Variants in RBM41 observed in about 807,000 individuals in gnomAD.
RBM41 encodes the protein RNA binding motif protein 41, also known as RNA-binding protein 41.
In RBM41, 14 loss-of-function variants were observed where a neutral mutation model predicts 30.8. The observed-to-expected ratio is 0.45, with a 90% CI of 0.30 to 0.71. The LOEUF is 0.71. Ranked by LOEUF, RBM41 falls within the 30% of genes least tolerant of loss-of-function variation. RBM41 has a pLI of 0.08. For missense variants in RBM41, 276 were observed against 326.3 expected, an observed-to-expected ratio of 0.85 and a Z score of 1.19; for synonymous variants, 120 against 110.1, an observed-to-expected ratio of 1.09 and a Z score of -0.56.
At chrX:107,090,668 A>G (rs1183419100) in intron 5 of RBM41, among the ~76,000 whole-genome samples, 1 of 111,494 alleles carries the variant, frequency 9.0e-6, no homozygotes, top group African/African-American at 3.3e-5. Context: ...TTTAGAAACC[A>G]AAGTGTGTTG....
At chrX:107,097,624 C>G (rs1923094743) in intron 5 of RBM41, among the ~76,000 whole-genome samples, 1 of 111,962 alleles carries the variant, frequency 8.9e-6, no homozygotes, top group South Asian at 3.7e-4. Flanking sequence ...CCACGCAGAA[C>G]TGTGAGTCAA....
In RBM41 at chrX:107,067,628, C is replaced by T. The variant is rs961608045; in HGVS notation, c.1213G>A (p.Val405Met). The part of the protein sequence containing the change: ...NGYKLHGKIL[V>M]IEFGKNKKQR... ...TTTTTGTTCTTTCCAAACTCTATCA[C>T]CAATATTTTCCCATGTAGTTTGTAT... The change falls in exon 8 of 8, where the codon GTG becomes ATG. Residue 405 changes from valine to methionine, a missense_variant. Transcript: ENST00000685964. The T allele has an allele frequency of 2.5e-6, 3 of 1,210,379 alleles. No individual in the cohort carries two copies. The highest frequency in any genetic ancestry group is 3.0e-5 in the East Asian group (1 of 33,811).
chrX:107,100,082 T>A (rs901654481), intron 5 of RBM41, among the ~76,000 whole-genome samples: 5 of 111,918 alleles, frequency 4.5e-5, no homozygotes, highest in African/African-American at 1.6e-4. Context: ...AGGGTGTGGG[T>A]GTATTCTTTC....
chrX:107,067,830 T>C, intron 7 of RBM41, 137 bp from the exon 8 acceptor site: 1 of 716,688 alleles, frequency 1.4e-6, no homozygotes, highest in South Asian at 6.6e-5. Flanking sequence ...GATCATTTTT[T>C]CTATAATCTC....
At chrX:107,090,793 AT>A (rs1234961396) in intron 5 of RBM41, among the ~76,000 whole-genome samples, 2 of 109,197 alleles carry the variant, frequency 1.8e-5, no homozygotes, top group African/African-American at 6.7e-5. Context: ...TATTTTATTT[AT>A]TTTTTTTTAA....
chrX:107,055,144 G>C, the RBM41 span, among the ~76,000 whole-genome samples: 1 of 111,644 alleles, frequency 9.0e-6, no homozygotes, highest in Non-Finnish European at 1.9e-5. Context: ...ACGTTTTTGA[G>C]GTACAAACAT....
chrX:107,080,587 GAAACA>G (rs200816405), intron 6 of RBM41, among the ~76,000 whole-genome samples: 5,251 of 106,158 alleles, frequency 0.049, 364 homozygotes, highest in African/African-American at 0.18. Flanking sequence ...CTCAAAACAC[GAAACA>G]AAACAAAACA....
At chrX:107,071,801 T>C (rs1050291764) in intron 6 of RBM41, among the ~76,000 whole-genome samples, 1 of 111,763 alleles carries the variant, frequency 8.9e-6, no homozygotes, top group Non-Finnish European at 1.9e-5. Flanking sequence ...ATATTCAGTA[T>C]TAAAAAACTG....
chrX:107,097,755 C>T (rs1346023308), intron 5 of RBM41, among the ~76,000 whole-genome samples: 1 of 112,105 alleles, frequency 8.9e-6, no homozygotes, highest in Non-Finnish European at 1.9e-5. Context: ...ATTGCTGATA[C>T]ATGCCACAAC....
At chrX:107,070,239 A>T in intron 6 of RBM41, 1 of 331,640 alleles carries the variant, frequency 3.0e-6, no homozygotes, top group Non-Finnish European at 5.9e-6. Flanking sequence ...CTTGAGGCTC[A>T]TTGTCAGAAG....
At position 107,106,919 on chromosome X, in the gene RBM41, A is replaced by G. The variant is rs889276962; in HGVS notation, c.595+6478T>C. 4.6e-5 allele frequency among the ~76,000 whole-genome samples: 5 copies of G among 109,634 alleles called. 1 individual carries two copies. In the East Asian group the frequency reaches 1.5e-3, roughly 32 times the overall value. On this transcript the variant is annotated intron_variant, in intron 5 of 7. Coordinates refer to ENST00000685964, the MANE Select transcript of RBM41 (RefSeq NM_001324242.2). ...AGCATTAGGAGATATACCTAATGTT[A>G]AATGACGAGTTAATGGGTGCAGTAC...
chrX:107,080,300 C>T (rs182808898), intron 6 of RBM41, among the ~76,000 whole-genome samples: 1,720 of 110,591 alleles, frequency 0.016, 47 homozygotes, highest in African/African-American at 0.053. Flanking sequence ...AAACTGCAGC[C>T]GGGCATGGTA....
intron 6 of RBM41, among the ~76,000 whole-genome samples, chrX:107,082,992 C>T (rs1380401903): frequency 3.6e-5 from 4 of 110,874 alleles, no homozygotes; most frequent in East Asian, 2.8e-4. Flanking sequence ...CATTCTCCTA[C>T]GCTCTTTCTT....
chrX:107,054,723 A>G, the RBM41 span, among the ~76,000 whole-genome samples: 1 of 111,783 alleles, frequency 8.9e-6, no homozygotes, highest in Non-Finnish European at 1.9e-5. Context: ...CCTTTGGATA[A>G]TTTTAGACCT....
rs761922739 is a variant in RBM41, at chrX:107,094,177, AG to A, written c.596-5339del. On this transcript the variant is annotated intron_variant, in intron 5 of 7. Transcript: ENST00000685964. ...TAATCCTGCAGAAACACTTCAGAAAAGGGAAGAGAAGGAAATACTTTCCAAT... is the reference window on the plus strand; with the variant it reads ...TAATCCTGCAGAAACACTTCAGAAAAGGAAGAGAAGGAAATACTTTCCAAT... Among the ~76,000 whole-genome samples the A allele has an allele frequency of 1.5e-4, 17 of 112,404 alleles. No homozygotes were observed. The South Asian group carries it at 6.2e-3, about 41-fold the overall frequency.
At chrX:107,084,169 A>C (rs946225185) in intron 6 of RBM41, among the ~76,000 whole-genome samples, 2 of 109,440 alleles carry the variant, frequency 1.8e-5, no homozygotes, top group Non-Finnish European at 3.8e-5. Context: ...ACAAAACAGC[A>C]ACAAAAAAAC....
chrX:107,082,841 C>G (rs889086923), intron 6 of RBM41, among the ~76,000 whole-genome samples: 4 of 111,005 alleles, frequency 3.6e-5, no homozygotes, highest in African/African-American at 1.3e-4. Flanking sequence ...TTCCTGCAAC[C>G]TATTCCTTAT....
At chrX:107,076,859 A>T (rs1187069528) in intron 6 of RBM41, among the ~76,000 whole-genome samples, 1 of 111,049 alleles carries the variant, frequency 9.0e-6, no homozygotes, top group Non-Finnish European at 1.9e-5. Context: ...ATACCTCTTA[A>T]ATGACTTAAG....
At chrX:107,085,364 T>G (rs1921945299) in intron 6 of RBM41, among the ~76,000 whole-genome samples, 1 of 108,263 alleles carries the variant, frequency 9.2e-6, no homozygotes, top group Non-Finnish European at 1.9e-5. Context: ...CCTCCTGGGT[T>G]CAAGAGATTC....
Sources: gnomAD v4.1 joint callset for allele counts (sites outside exome capture counted in the v4.1 genomes callset) on GRCh38, gnomAD v4.1.1 for gene constraint, MANE v1.5 for transcripts, NCBI Gene and HGNC (gene_info 2026-07-23, HGNC 2026-07-21) for gene names.